DLC1: variants seen among roughly 807,000 people sequenced by gnomAD.
DLC1 encodes rho GTPase-activating protein 7.
In DLC1, 54 loss-of-function variants were observed where a neutral mutation model predicts 140.3. The observed-to-expected ratio is 0.38, with a 90% CI of 0.31 to 0.48. The LOEUF (loss-of-function observed/expected upper bound fraction) is 0.48. Ranked by LOEUF, DLC1 falls within the 20% of genes least tolerant of loss-of-function variation. DLC1 has a pLI of 0.96. For missense variants in DLC1, 2,536 were observed against 1,907.0 expected (o/e 1.33, Z -6.14); for synonymous variants, 986 against 728.1 (o/e 1.35, Z -5.70).
At chr8:13,453,552 ATATATTTTT>A (rs370937739) in intron 2 of DLC1, among the ~76,000 whole-genome samples, 30,396 of 75,748 alleles carry the variant, frequency 0.4, 6,846 homozygotes, top group South Asian at 0.42. Context: ...ATATATATAT[ATATATTTTT>A]TTTTTTTTTT....
chr8:13,212,720 A>C (rs190770380), intron 5 of DLC1, among the ~76,000 whole-genome samples: 70 of 152,276 alleles, frequency 4.6e-4, no homozygotes, highest in African/African-American at 1.6e-3. Flanking sequence ...GCTTTCTTAG[A>C]ATAGTTCCAA....
intron 4 of DLC1, among the ~76,000 whole-genome samples, chr8:13,359,978 C>G (rs962165459): frequency 1.3e-5 from 2 of 152,154 alleles, no homozygotes; most frequent in African/African-American, 4.8e-5. Flanking sequence ...TTATAAAGAG[C>G]TACTCCATCG....
chr8:13,143,948 G>C (rs7821948), intron 5 of DLC1, among the ~76,000 whole-genome samples: 152,084 of 152,228 alleles, frequency 1, 75,970 homozygotes, highest in South Asian at 1. Context: ...TTTAAGAGAG[G>C]CTGACCCCAG....
At chr8:13,281,173 A>C (rs574142140) in intron 5 of DLC1, among the ~76,000 whole-genome samples, 1 of 152,304 alleles carries the variant, frequency 6.6e-6, no homozygotes, top group Admixed American at 6.5e-5. Flanking sequence ...TGTTTAGTTA[A>C]TATAATCATC....
chr8:13,120,878 A>G (rs1821005280), intron 5 of DLC1, among the ~76,000 whole-genome samples: 1 of 152,116 alleles, frequency 6.6e-6, no homozygotes, highest in Non-Finnish European at 1.5e-5. Flanking sequence ...ACTCCTCAAC[A>G]GTAAGCTGAA....
intron 7 of DLC1, among the ~76,000 whole-genome samples, chr8:13,107,398 C>A (rs929215927): frequency 6.6e-6 from 1 of 152,158 alleles, no homozygotes; most frequent in African/African-American, 2.4e-5. Flanking sequence ...AAGATCCCTG[C>A]ATAAAATATG....
intron 4 of DLC1, among the ~76,000 whole-genome samples, chr8:13,346,304 A>G (rs910187889): frequency 6.6e-6 from 1 of 152,242 alleles, no homozygotes; most frequent in African/African-American, 2.4e-5. Context: ...GTTATTAACC[A>G]TATTTCAAGT....
intron 1 of DLC1, among the ~76,000 whole-genome samples, chr8:13,564,300 A>C (rs975464081): frequency 6.6e-6 from 1 of 152,154 alleles, no homozygotes; most frequent in African/African-American, 2.4e-5. Context: ...AAATAAAATC[A>C]TTTTTCATCT....
chr8:13,477,153 T>G (rs1321617356), intron 2 of DLC1, among the ~76,000 whole-genome samples: 3 of 152,182 alleles, frequency 2.0e-5, no homozygotes, highest in African/African-American at 7.2e-5. Context: ...GCTCTCTGCC[T>G]TCAAAGAGCA....
chr8:13,314,596 C>T (rs1342956444), intron 4 of DLC1, among the ~76,000 whole-genome samples: 1 of 152,082 alleles, frequency 6.6e-6, no homozygotes, highest in Non-Finnish European at 1.5e-5. Context: ...AATTCAATGC[C>T]TGCATGTTCA....
At chr8:13,088,767 A>T (rs1817788160) in intron 15 of DLC1, 63 bp from the exon 16 acceptor site, 1 of 1,479,218 alleles carries the variant, frequency 6.8e-7, no homozygotes, top group South Asian at 1.2e-5. Context: ...TTTGAAGTCG[A>T]ATTGTTAGTT....
At chr8:13,547,228 C>A (rs948872406) in intron 1 of DLC1, among the ~76,000 whole-genome samples, 10 of 151,788 alleles carry the variant, frequency 6.6e-5, no homozygotes, top group African/African-American at 2.4e-4. Flanking sequence ...TTTTTTATGA[C>A]CTTCTGAATA....
At position 13,144,052 on chromosome 8, in the gene DLC1, A is replaced by C. The variant is rs994780772; in HGVS notation, c.1349-28395T>G. Among the ~76,000 whole-genome samples, 8 of 152,194 alleles carry C rather than the reference A, an allele frequency of 5.3e-5. No homozygotes were observed. In the East Asian group the frequency reaches 5.8e-4, roughly 11 times the overall value. ...AAAAAGGGCTGAACAGATAGCTGGC[A>C]AAGTATCATTTCTGGGTATCTTTAT... On this transcript the variant is annotated intron_variant, in intron 5 of 17. Coordinates refer to ENST00000276297, the MANE Select transcript of DLC1 (RefSeq NM_182643.3).
At chr8:13,361,389 G>A (rs759638363) in intron 4 of DLC1, among the ~76,000 whole-genome samples, 44 of 151,976 alleles carry the variant, frequency 2.9e-4, no homozygotes, top group Middle Eastern at 3.4e-3. Flanking sequence ...TGAGCAGCTG[G>A]GACTACAGGG....
intron 15 of DLC1, among the ~76,000 whole-genome samples, chr8:13,089,550 G>A (rs1028144940): frequency 5.3e-5 from 8 of 151,224 alleles, no homozygotes; most frequent in African/African-American, 9.7e-5. Context: ...GCTTGAAACC[G>A]GGAGGCAGAG....
rs1169620786 is a variant in DLC1 at position 13,451,037 on chromosome 8, C to CAAAAAAAAAAAAAAAAAAAAAAA, written c.1023+47989_1023+48011dup. Among the ~76,000 whole-genome samples the CAAAAAAAAAAAAAAAAAAAAAAA allele has an allele frequency of 5.4e-4, 10 of 18,372 alleles. 1 individual carries two copies. The highest frequency in any genetic ancestry group is 8.3e-4 in the Non-Finnish European group (6 of 7,212). 12.1% of individuals were successfully genotyped at this position (18,372 alleles called of 152,430 possible). On this transcript the variant is annotated intron_variant, in intron 2 of 17. Coordinates refer to ENST00000276297, the MANE Select transcript of DLC1 (RefSeq NM_182643.3). ...CTGGTGATAGAGTGAGACTCCGTCT[C>CAAAAAAAAAAAAAAAAAAAAAAA]AAAAAAAAAAAAAAAAAAAAAAAAA... is the stretch of plus-strand genomic sequence containing the variant.
intron 2 of DLC1, among the ~76,000 whole-genome samples, chr8:13,482,270 G>A (rs1161786569): frequency 1.3e-5 from 2 of 152,158 alleles, no homozygotes; most frequent in Non-Finnish European, 1.5e-5. Flanking sequence ...ATGGAAGCAT[G>A]TATTTCTAGT....
chr8:13,499,120 A>C lies in DLC1; in HGVS notation c.952T>G (p.Cys318Gly). 6.2e-7 allele frequency: 1 copy of C among 1,614,144 alleles called. No homozygotes were observed. Among genetic ancestry groups the C allele is most frequent in the Middle Eastern group, 1.7e-4 (1 of 6,060 alleles). The change falls in exon 2 of 18, where the codon TGT becomes GGT. Residue 318 changes from cysteine to glycine, a missense_variant. Coordinates refer to ENST00000276297, the MANE Select transcript of DLC1 (RefSeq NM_182643.3). ...GCCAGGGTCTCCTTTAATTGTAAAC[A>C]CTGCATGCCATCTTCTGCCTTGACC... ...PKVKAEDGMQ[C>G]LQLKETLATQ... is the part of the protein sequence containing the mutation.
chr8:13,326,572 C>T (rs915303357), intron 4 of DLC1, among the ~76,000 whole-genome samples: 2 of 152,156 alleles, frequency 1.3e-5, no homozygotes, highest in Admixed American at 6.5e-5. Flanking sequence ...TATCTTGTCT[C>T]CACCAAGTTT....
Sources: gnomAD v4.1 joint callset for allele counts (sites outside exome capture counted in the v4.1 genomes callset) on GRCh38, gnomAD v4.1.1 for gene constraint, MANE v1.5 for transcripts, NCBI Gene and HGNC (gene_info 2026-07-23, HGNC 2026-07-21) for gene names.